ETFDH: variants seen among roughly 807,000 people sequenced by gnomAD.
The protein encoded by ETFDH is electron transfer flavoprotein dehydrogenase.
A neutral mutation model predicts 73.2 loss-of-function variants in ETFDH; 61 were observed. That is an observed-to-expected ratio of 0.83 (90% CI 0.68 to 1.03). The LOEUF (loss-of-function observed/expected upper bound fraction) is 1.03. Ranked by LOEUF, ETFDH falls within the 50% of genes least tolerant of loss-of-function variation. The probability of loss-of-function intolerance (pLI) is 0.00; values close to 1 mark genes in which losing one functional copy is unlikely to be tolerated. For synonymous variants in ETFDH, 243 were observed against 253.3 expected (o/e 0.96, Z 0.39); for missense variants, 685 against 745.0 (o/e 0.92, Z 0.94).
At chr4:158,680,094 A>AAAAAAAAAAAAC (rs1773808910) in intron 1 of ETFDH, 1 of 152,232 alleles carries the variant, frequency 6.6e-6, no homozygotes, top group Admixed American at 6.5e-5. Flanking sequence ...CAAAAAAAAA[A>AAAAAAAAAAAAC]AAAAAAAGAA....
At chr4:158,681,951 G>A (rs1580396290) in intron 2 of ETFDH, 1 of 521,658 alleles carries the variant, frequency 1.9e-6, no homozygotes, top group East Asian at 3.5e-5. Context: ...TTTGCTAAAT[G>A]TATAATAATA....
rs2150300519 is a variant in ETFDH at position 158,672,433 on chromosome 4, C to T, written c.-24C>T. ...CGGACAGTCCTCCTGTTGTGTCCGA[C>T]CGAGAGTCCTGGTGACTTTGAACAT... On this transcript the variant is annotated 5_prime_UTR_variant, in exon 1 of 13. Coordinates refer to ENST00000511912, the MANE Select transcript of ETFDH (RefSeq NM_004453.4). 6.2e-7 allele frequency: 1 copy of T among 1,613,994 alleles called. No homozygotes were observed.
At position 158,706,753 on chromosome 4, in the gene ETFDH, T is replaced by C. The variant is rs2126316550; in HGVS notation, c.1593T>C (p.His531=). Residue 531 remains histidine, a synonymous_variant, in exon 12 of 13, where the codon CAT becomes CAC. Transcript: ENST00000511912. ...SVALSGTNHE[H]DQPAHLTLRD... ...CTCTGAGTGGTACTAATCATGAACA[T>C]GACCAGCCGGCACACTTAACCTTAA... 1 of 1,613,990 alleles carries C rather than the reference T, an allele frequency of 6.2e-7. No homozygotes were observed. Among genetic ancestry groups the C allele is most frequent in the South Asian group, 1.1e-5 (1 of 91,082 alleles).
At position 158,708,659 on chromosome 4, in the gene ETFDH, T is replaced by C. The variant is rs1028390867; in HGVS notation, c.*132T>C. The C allele has an allele frequency of 1.0e-5, 8 of 778,880 alleles. No homozygotes were observed. The highest frequency in any genetic ancestry group is 1.5e-5 in the Non-Finnish European group (7 of 459,246). 48.2% of individuals were successfully genotyped at this position (778,880 alleles called of 1,614,324 possible). ...CAAAATGATTATCAAATAAAAATTT[T>C]ATACTATATGTAAGATTGTCCCATA... is the stretch of plus-strand genomic sequence containing the variant. On this transcript the variant is annotated 3_prime_UTR_variant, in exon 13 of 13. Coordinates refer to ENST00000511912, the MANE Select transcript of ETFDH (RefSeq NM_004453.4).
chr4:158,684,376 A>G, intron 3 of ETFDH, among the ~76,000 whole-genome samples: 1 of 136,156 alleles, frequency 7.3e-6, no homozygotes, highest in African/African-American at 2.7e-5. Context: ...GGTGACAGAA[A>G]GAGACACTGT....
intron 1 of ETFDH, 72 bp from the exon 2 acceptor site, chr4:158,680,395 A>G: frequency 3.9e-6 from 4 of 1,034,434 alleles, no homozygotes; most frequent in South Asian, 2.6e-5. Context: ...ATAGTCATTC[A>G]CTTATATTTT....
chr4:158,682,586 T>C (rs948271550), intron 3 of ETFDH, among the ~76,000 whole-genome samples, 162 bp downstream of exon 3: 3 of 151,628 alleles, frequency 2.0e-5, no homozygotes, highest in African/African-American at 7.3e-5. Context: ...CAGGCTGGAG[T>C]GCAATGGCGC....
In ETFDH at chr4:158,684,633, T is replaced by C; in HGVS notation, c.447T>C (p.Ile149=). 6.3e-7 allele frequency: 1 copy of C among 1,584,938 alleles called. No homozygotes were observed. The highest frequency in any genetic ancestry group is 8.7e-7 in the Non-Finnish European group (1 of 1,153,490). Residue 149 remains isoleucine (I), a synonymous_variant, in exon 4 of 13, where the codon ATT becomes ATC. Transcript: ENST00000511912. ...CTGTAACAGAAGACAGATTTGGAATTTTAACAGAGAAATACAGAATTCCTG... is the reference window on the plus strand; with the variant it reads ...CTGTAACAGAAGACAGATTTGGAATCTTAACAGAGAAATACAGAATTCCTG... The part of the protein sequence containing the change: ...NTPVTEDRFG[I]LTEKYRIPVP...
intron 10 of ETFDH, among the ~76,000 whole-genome samples, chr4:158,705,447 T>G (rs1774583631): frequency 6.6e-6 from 1 of 152,224 alleles, no homozygotes; most frequent in Non-Finnish European, 1.5e-5. Context: ...TAATTATATC[T>G]ACAGCCACTA....
intron 7 of ETFDH, among the ~76,000 whole-genome samples, chr4:158,696,383 G>A (rs1350742203): frequency 1.3e-5 from 2 of 152,030 alleles, no homozygotes; most frequent in Non-Finnish European, 2.9e-5. Flanking sequence ...GTGCACACCT[G>A]TAGTCCCAGC....
chr4:158,705,618 G>A (rs558068644), intron 10 of ETFDH, among the ~76,000 whole-genome samples: 12 of 152,088 alleles, frequency 7.9e-5, no homozygotes, highest in Admixed American at 5.9e-4. Context: ...CTTCTTTCTC[G>A]GTTTCACTAA....
intron 3 of ETFDH, among the ~76,000 whole-genome samples, chr4:158,683,038 T>C (rs981749627): frequency 5.9e-5 from 9 of 152,232 alleles, no homozygotes; most frequent in African/African-American, 1.9e-4. Context: ...TTTAAACTTG[T>C]TCTTTAAGTC....
At chr4:158,706,903 G>A (rs1447696980) in intron 12 of ETFDH, 53 bp downstream of exon 12, 2 of 1,211,844 alleles carry the variant, frequency 1.7e-6, no homozygotes, top group African/African-American at 3.0e-5. Context: ...TTAGGAATGT[G>A]ATTTTGTTCT....
At chr4:158,681,809 T>C (rs1773865657) in intron 2 of ETFDH, 3 of 314,150 alleles carry the variant, frequency 9.5e-6, no homozygotes, top group Admixed American at 4.7e-5. Flanking sequence ...AGGTGTATCA[T>C]AGGCTGTTCA....
At position 158,684,573 on chromosome 4, in the gene ETFDH, T is replaced by C; in HGVS notation, c.406-19T>C. Reference sequence around the variant, plus strand: ...CAAATATAAACTAAAAACATTTCTTTTTCTTCTTTTATTTCTAGGCTCCAC... The same window carrying C: ...CAAATATAAACTAAAAACATTTCTTCTTCTTCTTTTATTTCTAGGCTCCAC... On this transcript the variant is annotated intron_variant, in intron 3 of 12. Coordinates refer to ENST00000511912, the MANE Select transcript of ETFDH (RefSeq NM_004453.4). 3 of 1,375,432 alleles carry C rather than the reference T, an allele frequency of 2.2e-6. No homozygotes were observed. Among genetic ancestry groups the C allele is most frequent in the Non-Finnish European group, 3.1e-6 (3 of 963,948 alleles). The allele number at this position is 1,375,432 out of a possible 1,614,324, so 85.2% of individuals were successfully genotyped here.
In ETFDH at chr4:158,672,604, A is replaced by G. The variant is rs564069154; in HGVS notation, c.34+114A>G. The G allele has an allele frequency of 1.5e-3, 1,684 of 1,098,918 alleles. 3 individuals are homozygous for G. The highest frequency in any genetic ancestry group is 2.0e-3 in the Non-Finnish European group (1,447 of 719,702). The allele number at this position is 1,098,918 out of a possible 1,614,324, so 68.1% of individuals were successfully genotyped here. A position where few individuals can be genotyped will look rare whatever the true frequency, so the allele number is the denominator to read the frequency against. On this transcript the variant is annotated intron_variant, in intron 1 of 12. Transcript: ENST00000511912. ...CTTCTCTCATCAGCTTTCTCAGGCT[A>G]TCTAGGGCAAAGGTCACGCGCTGTC... is the stretch of plus-strand genomic sequence containing the variant.
chr4:158,696,246 C>A (rs193024021), intron 7 of ETFDH, among the ~76,000 whole-genome samples: 1 of 152,158 alleles, frequency 6.6e-6, no homozygotes, highest in Admixed American at 6.5e-5. Context: ...TGGCCCACAC[C>A]CATAACCCCA....
At position 158,680,461 on chromosome 4, in the gene ETFDH, G is replaced by A. The variant is rs753999138; in HGVS notation, c.35-6G>A. On this transcript the variant is annotated splice_region_variant and splice_polypyrimidine_tract_variant and intron_variant, in intron 1 of 12. Coordinates refer to ENST00000511912, the MANE Select transcript of ETFDH (RefSeq NM_004453.4). ...GAAGATAATAATTTTCGTAATTTTT[G>A]TGCAGCATATCAGTGCTTTCATGCC... The A allele has an allele frequency of 6.3e-7, 1 of 1,599,464 alleles. No individual in the cohort carries two copies.
intron 2 of ETFDH, among the ~76,000 whole-genome samples, chr4:158,681,149 G>A (rs2150304705): frequency 6.6e-6 from 1 of 152,296 alleles, no homozygotes; most frequent in Admixed American, 6.5e-5. Flanking sequence ...ACAGCTCCAT[G>A]CGTGTTATTG....
Sources: allele counts gnomAD v4.1 joint callset (sites outside exome capture counted in the v4.1 genomes callset), GRCh38; gene constraint gnomAD v4.1.1; transcripts MANE v1.5; gene names NCBI Gene and HGNC (gene_info 2026-07-23, HGNC 2026-07-21).